The following ERCC6 variants were observed in gnomAD, a reference collection of about 807,000 sequenced individuals.
The protein encoded by ERCC6 is DNA excision repair protein ERCC-6.
A neutral mutation model predicts 158.7 loss-of-function variants in ERCC6; 116 were observed. That is an observed-to-expected ratio of 0.73 (90% CI 0.63 to 0.85). The LOEUF is 0.85. ERCC6 is among the 40% of genes least tolerant of loss of function. The pLI, the probability that ERCC6 is intolerant of heterozygous loss-of-function variation, is 0.00. For synonymous variants in ERCC6, 678 were observed against 659.3 expected (o/e 1.03, Z -0.43); for missense variants, 1,698 against 1,799.4 (o/e 0.94, Z 1.02).
chr10:49,531,296 T>C (rs1328297196), intron 2 of ERCC6, among the ~76,000 whole-genome samples: 1 of 152,210 alleles, frequency 6.6e-6, no homozygotes, highest in Non-Finnish European at 1.5e-5. Flanking sequence ...ATATTTTTCT[T>C]CTACATAAAT....
intron 18 of ERCC6, among the ~76,000 whole-genome samples, chr10:49,467,763 C>T (rs1357162548): frequency 6.6e-6 from 1 of 151,712 alleles, no homozygotes; most frequent in Non-Finnish European, 1.5e-5. Flanking sequence ...GAGATAGGAT[C>T]TCACTATGTT....
At chr10:49,463,045 G>A (rs1217043804) in intron 18 of ERCC6, among the ~76,000 whole-genome samples, 3 of 152,190 alleles carry the variant, frequency 2.0e-5, no homozygotes, top group African/African-American at 7.2e-5. Flanking sequence ...TGGATAAACT[G>A]TGGTACAGGT....
intron 12 of ERCC6, among the ~76,000 whole-genome samples, chr10:49,475,798 T>C (rs1032550544): frequency 2.6e-5 from 4 of 152,190 alleles, no homozygotes; most frequent in Non-Finnish European, 5.9e-5. Context: ...TATTGGGGAA[T>C]GGGGCTCCTT....
At chr10:49,495,807 G>A (rs1033615020) in intron 7 of ERCC6, among the ~76,000 whole-genome samples, 15 of 152,046 alleles carry the variant, frequency 9.9e-5, no homozygotes, top group African/African-American at 1.7e-4. Context: ...ATGTCTCTCC[G>A]TCTACACTGT....
At chr10:49,453,087 T>C (rs979149184), downstream of ERCC6, among the ~76,000 whole-genome samples, 32 of 152,160 alleles carry the variant, frequency 2.1e-4, no homozygotes, top group African/African-American at 7.7e-4. Flanking sequence ...CTTTTTGTTT[T>C]CTAGTATCCA....
chr10:49,523,929 G>T (rs909469951), intron 5 of ERCC6, 104 bp downstream of exon 5: 1 of 1,515,976 alleles, frequency 6.6e-7, no homozygotes, highest in Non-Finnish European at 9.0e-7. Context: ...ATAATCGGGG[G>T]GGTCTAATAT....
chr10:49,466,890 G>A (rs1353574765), intron 18 of ERCC6, among the ~76,000 whole-genome samples: 2 of 152,078 alleles, frequency 1.3e-5, no homozygotes, highest in East Asian at 1.9e-4. Flanking sequence ...AGGTTCAAGC[G>A]ATTCTCCCGC....
intron 6 of ERCC6, chr10:49,505,149 T>A (rs1187960269): frequency 1.3e-5 from 2 of 152,142 alleles, no homozygotes; most frequent in Admixed American, 1.3e-4. Flanking sequence ...GAAGCCTTCC[T>A]AAAGTATCTT....
At chr10:49,530,898 A>G in intron 2 of ERCC6, 58 bp from the exon 3 acceptor site, 1 of 1,595,478 alleles carries the variant, frequency 6.3e-7, no homozygotes, top group Non-Finnish European at 8.5e-7. Flanking sequence ...ATAGCATAAT[A>G]TAAAGAGAAA....
At chr10:49,531,037 GTTTTC>G (rs1190786843) in intron 2 of ERCC6, among the ~76,000 whole-genome samples, 197 bp from the exon 3 acceptor site, 1 of 152,138 alleles carries the variant, frequency 6.6e-6, no homozygotes, top group African/African-American at 2.4e-5. Flanking sequence ...GACTGCTAGT[GTTTTC>G]TTTTATCTAG....
At chr10:49,472,520 A>G in intron 15 of ERCC6, 50 bp from the exon 16 acceptor site, 2 of 1,576,654 alleles carry the variant, frequency 1.3e-6, no homozygotes, top group Non-Finnish European at 1.7e-6. Context: ...CCCAATGACA[A>G]GCACTGACTA....
At chr10:49,502,660 G>A (rs1353132788) in intron 6 of ERCC6, 5 of 152,188 alleles carry the variant, frequency 3.3e-5, no homozygotes, top group African/African-American at 1.2e-4. Flanking sequence ...AGTGATTCTG[G>A]AAATGATCTA....
intron 1 of ERCC6, among the ~76,000 whole-genome samples, chr10:49,535,128 G>C (rs1198258098): frequency 1.3e-5 from 2 of 152,228 alleles, no homozygotes; most frequent in Non-Finnish European, 2.9e-5. Flanking sequence ...GTGAGGTTCA[G>C]AGCTAAGTCT....
chr10:49,497,782 G>T (rs1230362300), intron 7 of ERCC6, among the ~76,000 whole-genome samples: 1 of 152,094 alleles, frequency 6.6e-6, no homozygotes, highest in African/African-American at 2.4e-5. Context: ...TTTAATCTTT[G>T]ATTACCATTG....
intron 16 of ERCC6, 87 bp downstream of exon 16, chr10:49,472,289 A>T: frequency 8.7e-7 from 1 of 1,148,918 alleles, no homozygotes; most frequent in Non-Finnish European, 1.3e-6. Context: ...CTAAGATGTT[A>T]AGACTTTTAA....
downstream of ERCC6, among the ~76,000 whole-genome samples, chr10:49,449,560 C>CTTTTTTTTTTTTTTTT (rs71026248): frequency 1.5e-5 from 1 of 68,024 alleles, no homozygotes; most frequent in African/African-American, 6.2e-5. Flanking sequence ...ATAGTTAGGT[C>CTTTTTTTTTTTTTTTT]TTTTTTTTTT....
At chr10:49,500,895 T>C (rs1851345479) in intron 6 of ERCC6, 199 bp from the exon 7 acceptor site, 2 of 593,872 alleles carry the variant, frequency 3.4e-6, no homozygotes, top group South Asian at 4.1e-5. Context: ...AAATCACAAA[T>C]TTTTCTTTAC....
At position 49,483,523 on chromosome 10, in the gene ERCC6, C is replaced by G; in HGVS notation, c.1822-7G>C. On this transcript the variant is annotated splice_region_variant and splice_polypyrimidine_tract_variant and intron_variant, in intron 8 of 20. Transcript: ENST00000355832. ...CATCTCGAATTAGTTTCTCCTGAGA[C>G]CACAATAAAATGGTAAAGTCAGTTT... 1.2e-6 allele frequency: 2 copies of G among 1,613,764 alleles called. No individual in the cohort carries two copies. The highest frequency in any genetic ancestry group is 1.7e-6 in the Non-Finnish European group (2 of 1,179,856).
intron 13 of ERCC6, 98 bp downstream of exon 13, chr10:49,473,929 T>A: frequency 8.9e-7 from 1 of 1,117,408 alleles, no homozygotes. Context: ...AGTGGTAGAC[T>A]TGCTTCAGAA....
Sources: allele counts gnomAD v4.1 joint callset (sites outside exome capture counted in the v4.1 genomes callset), GRCh38; gene constraint gnomAD v4.1.1; transcripts MANE v1.5; gene names NCBI Gene and HGNC (gene_info 2026-07-23, HGNC 2026-07-21).